DPP6: variants seen among roughly 807,000 people sequenced by gnomAD.
DPP6 encodes dipeptidyl peptidase like 6, also known as A-type potassium channel modulatory protein DPP6.
In DPP6, 69 loss-of-function variants were observed where a neutral mutation model predicts 122.6. The observed-to-expected ratio is 0.56, with a 90% CI of 0.46 to 0.69. The LOEUF (loss-of-function observed/expected upper bound fraction) is 0.69. Ranked by LOEUF, DPP6 falls within the 30% of genes least tolerant of loss-of-function variation. The pLI is 0.00. For synonymous variants in DPP6, 418 were observed against 433.1 expected, an observed-to-expected ratio of 0.97 and a Z score of 0.43; for missense variants, 928 against 1,116.9, an observed-to-expected ratio of 0.83 and a Z score of 2.41.
intron 1 of DPP6, among the ~76,000 whole-genome samples, chr7:154,252,213 C>CATGTGTGTGT (rs1554501571): frequency 6.0e-5 from 9 of 150,574 alleles, no homozygotes; most frequent in African/African-American, 2.2e-4. Flanking sequence ...CACAATGTCA[C>CATGTGTGTGT]GTGTGTGTGT....
chr7:154,320,939 G>C (rs1308410555), intron 1 of DPP6, among the ~76,000 whole-genome samples: 1 of 152,164 alleles, frequency 6.6e-6, no homozygotes, highest in African/African-American at 2.4e-5. Context: ...GCATCTGCTA[G>C]TTATTTAACA....
At chr7:154,022,347 G>A (rs573985823) in intron 1 of DPP6, among the ~76,000 whole-genome samples, 3 of 152,378 alleles carry the variant, frequency 2.0e-5, no homozygotes, top group African/African-American at 7.2e-5. Flanking sequence ...CAGATAGATG[G>A]TTTATGGCAT....
At chr7:154,207,456 G>C (rs543089133) in intron 1 of DPP6, among the ~76,000 whole-genome samples, 9 of 152,292 alleles carry the variant, frequency 5.9e-5, no homozygotes, top group African/African-American at 2.2e-4. Context: ...AATCAGACCA[G>C]TCAGACCACT....
chr7:153,778,085 C>T, the DPP6 span, among the ~76,000 whole-genome samples: 1 of 149,344 alleles, frequency 6.7e-6, no homozygotes, highest in African/African-American at 2.6e-5. Context: ...AAATGTTAAA[C>T]TCTAGTAAAT....
At chr7:153,991,324 A>C (rs545214699) in intron 1 of DPP6, among the ~76,000 whole-genome samples, 2 of 152,310 alleles carry the variant, frequency 1.3e-5, no homozygotes, top group East Asian at 3.9e-4. Flanking sequence ...TTTAGTATAT[A>C]AAAAAGAAAA....
At chr7:153,887,819 C>G in intron 1 of DPP6, 1 of 1,456,336 alleles carries the variant, frequency 6.9e-7, no homozygotes, top group Non-Finnish European at 9.3e-7. Context: ...CTTCTCAGTC[C>G]CGAACCTCCC....
At chr7:154,853,670 A>T in intron 16 of DPP6, 110 bp from the exon 17 acceptor site, 1 of 1,465,776 alleles carries the variant, frequency 6.8e-7, no homozygotes, top group Non-Finnish European at 9.2e-7. Flanking sequence ...CGGGTTCTCC[A>T]GGCTCCGCAC....
intron 1 of DPP6, among the ~76,000 whole-genome samples, chr7:154,032,547 A>C (rs1328999236): frequency 3.3e-5 from 5 of 152,018 alleles, no homozygotes; most frequent in Non-Finnish European, 7.4e-5. Flanking sequence ...AAAAAATCTA[A>C]CTCCTGTGTT....
At position 153,986,680 on chromosome 7, in the gene DPP6, T is replaced by G. The variant is rs376091942; in HGVS notation, c.51+98946T>G. Among the ~76,000 whole-genome samples, 58 of 152,296 alleles carry G rather than the reference T, an allele frequency of 3.8e-4. 1 individual carries two copies. The South Asian group carries it at 0.012, about 31-fold the overall frequency. On this transcript the variant is annotated intron_variant, in intron 1 of 25. Transcript: ENST00000404039. ...CAGGAATCGTTGGTGAACTTTTCCT[T>G]TGGAATTCCGCAAGTGCTTCTTGTT...
chr7:154,258,551 A>G (rs563410413), intron 1 of DPP6, among the ~76,000 whole-genome samples: 1 of 152,222 alleles, frequency 6.6e-6, no homozygotes, highest in Non-Finnish European at 1.5e-5. Flanking sequence ...ATGCTCCACA[A>G]CCAATAGCAA....
chr7:154,292,522 G>A (rs116127992), intron 1 of DPP6, among the ~76,000 whole-genome samples: 113 of 152,284 alleles, frequency 7.4e-4, no homozygotes, highest in African/African-American at 2.5e-3. Flanking sequence ...CCAAAGCCCC[G>A]GGTTGATTTG....
chr7:154,704,657 CA>C (rs1445836908), intron 7 of DPP6, among the ~76,000 whole-genome samples: 3 of 152,234 alleles, frequency 2.0e-5, no homozygotes, highest in African/African-American at 7.2e-5. Flanking sequence ...GACGATGACT[CA>C]CCGAAGGCTT....
chr7:154,108,580 ACT>A (rs1806334368), intron 1 of DPP6, among the ~76,000 whole-genome samples: 1 of 152,168 alleles, frequency 6.6e-6, no homozygotes, highest in African/African-American at 2.4e-5. Context: ...AATGCCACAA[ACT>A]TGTGAGCTGA....
intron 1 of DPP6, among the ~76,000 whole-genome samples, chr7:154,340,450 G>A (rs368369302): frequency 1.4e-4 from 21 of 152,280 alleles, no homozygotes; most frequent in African/African-American, 2.4e-4. Flanking sequence ...CTGTGTGGCC[G>A]TCTTGAAGGA....
chr7:153,869,312 C>G, the DPP6 span, among the ~76,000 whole-genome samples: 1 of 152,168 alleles, frequency 6.6e-6, no homozygotes, highest in African/African-American at 2.4e-5. Context: ...TCACTAAGGA[C>G]TTGCTTTATT....
At chr7:154,222,797 C>G (rs1800381782) in intron 1 of DPP6, among the ~76,000 whole-genome samples, 1 of 149,338 alleles carries the variant, frequency 6.7e-6, no homozygotes, top group African/African-American at 2.5e-5. Context: ...GTACCTGCAT[C>G]TCTTTGGTGA....
chr7:153,796,796 T>C, the DPP6 span, among the ~76,000 whole-genome samples: 1 of 152,182 alleles, frequency 6.6e-6, no homozygotes, highest in South Asian at 2.1e-4. Context: ...TCCGTGTATA[T>C]CATCACATGT....
chr7:154,051,742 G>T (rs919193286), upstream of DPP6, among the ~76,000 whole-genome samples: 1 of 150,780 alleles, frequency 6.6e-6, no homozygotes, highest in African/African-American at 2.4e-5. Context: ...TCGCCCGCGA[G>T]GGGCGCCTGG....
chr7:154,097,789 G>A (rs1805437435), intron 1 of DPP6, among the ~76,000 whole-genome samples: 10 of 152,172 alleles, frequency 6.6e-5, no homozygotes, highest in Admixed American at 6.5e-4. Flanking sequence ...CAACGTCCAG[G>A]CTCTCTTATG....
Sources: allele counts gnomAD v4.1 joint callset (sites outside exome capture counted in the v4.1 genomes callset), GRCh38; gene constraint gnomAD v4.1.1; transcripts MANE v1.5; gene names NCBI Gene and HGNC (gene_info 2026-07-23, HGNC 2026-07-21).